NLGN4X: variants seen among roughly 807,000 people sequenced by gnomAD.
NLGN4X encodes neuroligin-4, X-linked.
Under a neutral mutation model 40.3 loss-of-function variants are expected in NLGN4X, and 3 were observed. The ratio of observed to expected loss-of-function variants is 0.07; its 90% CI spans 0.03 to 0.19. The LOEUF (loss-of-function observed/expected upper bound fraction) is 0.19. NLGN4X is among the 10% of genes least tolerant of loss of function. The pLI is 1.00. For synonymous variants in NLGN4X, 270 were observed against 306.8 expected, an observed-to-expected ratio of 0.88 and a Z score of 1.25; for missense variants, 382 against 708.3, an observed-to-expected ratio of 0.54 and a Z score of 5.23.
intron 2 of NLGN4X, among the ~76,000 whole-genome samples, chrX:6,116,391 CTTTTTTTTTTTTTTTTTTTTT>C (rs1157468420): frequency 7.2e-4 from 16 of 22,288 alleles, no homozygotes; most frequent in East Asian, 4.5e-3. Flanking sequence ...ACCTTTCTTT[CTTTTTTTTTTTTTTTTTTTTT>C]TTTTTTTTTT....
At chrX:6,079,257 A>T (rs1230523582) in intron 2 of NLGN4X, among the ~76,000 whole-genome samples, 1 of 111,874 alleles carries the variant, frequency 8.9e-6, no homozygotes, top group Non-Finnish European at 1.9e-5. Flanking sequence ...AGCCCATGAG[A>T]CTTGCATTAA....
intron 3 of NLGN4X, among the ~76,000 whole-genome samples, chrX:5,994,317 G>A (rs1279560368): frequency 9.0e-6 from 1 of 111,663 alleles, no homozygotes; most frequent in Non-Finnish European, 1.9e-5. Context: ...ATTGAATCCA[G>A]CCAGTATGTA....
intron 1 of NLGN4X, among the ~76,000 whole-genome samples, chrX:6,196,799 T>C (rs1046865913): frequency 9.0e-6 from 1 of 110,801 alleles, no homozygotes; most frequent in African/African-American, 3.3e-5. Context: ...CAGTCCATGG[T>C]TATGTATTTC....
intron 2 of NLGN4X, among the ~76,000 whole-genome samples, chrX:6,109,672 T>C (rs1296869393): frequency 8.9e-6 from 1 of 111,959 alleles, no homozygotes; most frequent in African/African-American, 3.2e-5. Context: ...AGACCTTCCA[T>C]AGCTGCAGAA....
At chrX:6,109,242 G>GA (rs2039094283) in intron 2 of NLGN4X, among the ~76,000 whole-genome samples, 1 of 111,369 alleles carries the variant, frequency 9.0e-6, no homozygotes, top group East Asian at 2.8e-4. Flanking sequence ...CTCCAGCCTG[G>GA]GTTGATAGAG....
chrX:6,208,837 C>G (rs1924289786), intron 1 of NLGN4X, among the ~76,000 whole-genome samples: 1 of 111,626 alleles, frequency 9.0e-6, no homozygotes, highest in South Asian at 3.8e-4. Flanking sequence ...CCTCAAAGAA[C>G]TAAAAATAGA....
chrX:6,117,220 A>T (rs1273628810), intron 2 of NLGN4X, among the ~76,000 whole-genome samples: 1 of 110,508 alleles, frequency 9.0e-6, no homozygotes, highest in Non-Finnish European at 1.9e-5. Flanking sequence ...TCCATGAACC[A>T]TCTTTTCAGT....
At chrX:5,953,474 T>C (rs1020050003) in intron 3 of NLGN4X, among the ~76,000 whole-genome samples, 1 of 112,047 alleles carries the variant, frequency 8.9e-6, no homozygotes, top group Non-Finnish European at 1.9e-5. Context: ...TTTGGAATGT[T>C]CTTAACACAG....
chrX:6,001,735 A>C (rs956993078), intron 3 of NLGN4X, among the ~76,000 whole-genome samples: 1 of 110,047 alleles, frequency 9.1e-6, no homozygotes, highest in African/African-American at 3.3e-5. Context: ...TCACCATCAA[A>C]TCCTGCCCGA....
chrX:6,059,112 T>C (rs1267569793), intron 2 of NLGN4X, among the ~76,000 whole-genome samples: 1 of 112,337 alleles, frequency 8.9e-6, no homozygotes, highest in Non-Finnish European at 1.9e-5. Flanking sequence ...AGATGTGAGC[T>C]AGAATGACTA....
At chrX:6,037,062 C>A (rs1394368928) in intron 2 of NLGN4X, among the ~76,000 whole-genome samples, 1 of 110,813 alleles carries the variant, frequency 9.0e-6, no homozygotes, top group African/African-American at 3.3e-5. Context: ...CCTGTAATCC[C>A]AACACTTTGG....
rs144232843 is a variant in NLGN4X at position 6,204,525 on chromosome X, G to C, written c.-306+24016C>G. 3.2e-3 allele frequency among the ~76,000 whole-genome samples: 362 copies of C among 112,024 alleles called. 2 individuals are homozygous for C. Among genetic ancestry groups the C allele is most frequent in the African/African-American group, 0.01 (323 of 30,898 alleles). ...GACAAAAAGCAAATGATGAGACCCA[G>C]AGCTGTGGATGCCGGCCTCTGAACA... On this transcript the variant is annotated intron_variant, in intron 1 of 5. Transcript: ENST00000381095.
chrX:5,917,640 GC>G (rs2032862044), intron 3 of NLGN4X, among the ~76,000 whole-genome samples: 1 of 112,204 alleles, frequency 8.9e-6, no homozygotes, highest in African/African-American at 3.2e-5. Flanking sequence ...ACAAGAAACA[GC>G]ATTGCGCTTG....
intron 3 of NLGN4X, among the ~76,000 whole-genome samples, chrX:6,005,333 C>G (rs1334770181): frequency 1.8e-5 from 2 of 111,413 alleles, no homozygotes; most frequent in Admixed American, 1.9e-4. Context: ...TCATGTCAAC[C>G]AATGGTTGAA....
At chrX:6,135,794 G>C (rs1253528768) in intron 2 of NLGN4X, among the ~76,000 whole-genome samples, 2 of 111,684 alleles carry the variant, frequency 1.8e-5, no homozygotes, top group Non-Finnish European at 3.8e-5. Flanking sequence ...CTCTAAGAAA[G>C]CCAAAGAAGA....
At chrX:6,131,708 G>A (rs747800120) in intron 2 of NLGN4X, among the ~76,000 whole-genome samples, 26 of 112,236 alleles carry the variant, frequency 2.3e-4, no homozygotes, top group Non-Finnish European at 3.9e-4. Context: ...GGAGCACTTT[G>A]GGGATGGTCA....
At chrX:5,936,816 A>C (rs766835396) in intron 3 of NLGN4X, among the ~76,000 whole-genome samples, 57 of 112,295 alleles carry the variant, frequency 5.1e-4, no homozygotes, top group Admixed American at 2.2e-3. Context: ...TTATTTGTTA[A>C]ATCACGAGTG....
At chrX:6,011,780 G>A (rs1318374488) in intron 3 of NLGN4X, among the ~76,000 whole-genome samples, 1 of 111,200 alleles carries the variant, frequency 9.0e-6, no homozygotes, top group Non-Finnish European at 1.9e-5. Flanking sequence ...TTTAAAACCA[G>A]GAAAGGATGT....
intron 3 of NLGN4X, among the ~76,000 whole-genome samples, chrX:5,964,133 T>C (rs1032472542): frequency 9.0e-5 from 10 of 111,506 alleles, no homozygotes; most frequent in African/African-American, 1.6e-4. Flanking sequence ...GTTATAAATG[T>C]TCAGGGAAGA....
Sources: gnomAD v4.1 joint callset for allele counts (sites outside exome capture counted in the v4.1 genomes callset) on GRCh38, gnomAD v4.1.1 for gene constraint, MANE v1.5 for transcripts, NCBI Gene and HGNC (gene_info 2026-07-23, HGNC 2026-07-21) for gene names.